Variants in INPP4B observed in about 807,000 individuals in gnomAD.
INPP4B encodes inositol polyphosphate-4-phosphatase type II B.
Under a neutral mutation model 122.5 loss-of-function variants are expected in INPP4B, and 55 were observed. The ratio of observed to expected loss-of-function variants is 0.45; its 90% confidence interval spans 0.36 to 0.56. The LOEUF (loss-of-function observed/expected upper bound fraction) is 0.56. Among genes scored for constraint, INPP4B ranks in the 20% least tolerant of loss-of-function variants. The pLI, the probability that INPP4B is intolerant of heterozygous loss-of-function variation, is 0.00. For missense variants in INPP4B, 1,000 were observed against 1,097.7 expected (o/e 0.91, Z 1.26); for synonymous variants, 403 against 388.7 (o/e 1.04, Z -0.43).
chr4:142,768,620 C>A (rs999415473), intron 1 of INPP4B, among the ~76,000 whole-genome samples: 12 of 152,188 alleles, frequency 7.9e-5, no homozygotes, highest in African/African-American at 2.9e-4. Context: ...TAAAGTAATT[C>A]ATGTCAAGTG....
chr4:142,464,164 T>C (rs191174422), intron 2 of INPP4B, among the ~76,000 whole-genome samples: 139 of 152,272 alleles, frequency 9.1e-4, no homozygotes, highest in African/African-American at 3.2e-3. Flanking sequence ...TCATGCTATT[T>C]ATAAAACAAT....
intron 10 of INPP4B, among the ~76,000 whole-genome samples, chr4:142,261,386 G>A (rs1739911008): frequency 6.6e-6 from 1 of 152,070 alleles, no homozygotes; most frequent in Admixed American, 6.5e-5. Context: ...TTTATCTTTA[G>A]AAAAAAATAT....
At chr4:142,369,340 T>G (rs1788830638) in intron 7 of INPP4B, among the ~76,000 whole-genome samples, 1 of 151,864 alleles carries the variant, frequency 6.6e-6, no homozygotes, top group Admixed American at 6.6e-5. Context: ...TTCCAGCACT[T>G]TGGAATGTTG....
intron 2 of INPP4B, among the ~76,000 whole-genome samples, chr4:142,510,469 T>C (rs1459064724): frequency 1.3e-5 from 2 of 152,346 alleles, no homozygotes; most frequent in East Asian, 1.9e-4. Context: ...TTGTGGCACA[T>C]TGATCTCATT....
At chr4:142,676,010 G>A (rs1560949678) in intron 2 of INPP4B, among the ~76,000 whole-genome samples, 1 of 152,134 alleles carries the variant, frequency 6.6e-6, no homozygotes, top group Non-Finnish European at 1.5e-5. Context: ...AATCAGGCAA[G>A]AGAAAGAAAT....
intron 2 of INPP4B, among the ~76,000 whole-genome samples, chr4:142,623,357 C>A (rs1745410617): frequency 6.6e-6 from 1 of 151,890 alleles, no homozygotes. Context: ...GAACCCTTAG[C>A]ACCATGCCCC....
chr4:142,674,945 G>C (rs991736864), intron 2 of INPP4B, among the ~76,000 whole-genome samples: 2 of 152,062 alleles, frequency 1.3e-5, no homozygotes, highest in African/African-American at 4.8e-5. Flanking sequence ...ACAATTAAAA[G>C]AACTAGAGAA....
At chr4:142,030,009 C>T in intron 25 of INPP4B, 1 of 1,375,260 alleles carries the variant, frequency 7.3e-7, no homozygotes, top group Middle Eastern at 2.6e-4. Flanking sequence ...ACAAACTAAA[C>T]ACAATTTAAC....
chr4:142,083,886 A>G (rs1320551447), intron 24 of INPP4B, among the ~76,000 whole-genome samples: 3 of 152,180 alleles, frequency 2.0e-5, no homozygotes, highest in Non-Finnish European at 4.4e-5. Context: ...TTGAATTAAT[A>G]TTCCTTAAAA....
intron 23 of INPP4B, among the ~76,000 whole-genome samples, chr4:142,096,366 C>T (rs1240158108): frequency 1.3e-5 from 2 of 152,112 alleles, no homozygotes; most frequent in African/African-American, 4.8e-5. Context: ...TGAAGACCAC[C>T]AAATAACACA....
intron 1 of INPP4B, among the ~76,000 whole-genome samples, chr4:142,828,640 C>A (rs1019432757): frequency 5.3e-5 from 8 of 152,078 alleles, no homozygotes; most frequent in Non-Finnish European, 1.0e-4. Context: ...AGTGGGCTTA[C>A]ATTGAAAAAT....
At chr4:142,299,804 AC>A (rs1167521408) in intron 9 of INPP4B, among the ~76,000 whole-genome samples, 3 of 148,978 alleles carry the variant, frequency 2.0e-5, no homozygotes, top group Non-Finnish European at 3.0e-5. Flanking sequence ...TCCCCCTACC[AC>A]CCCCCCAAAA....
rs1314191048 is a variant in INPP4B at position 142,086,135 on chromosome 4, A to C, written c.2487+9T>G. On this transcript the variant is annotated intron_variant, in intron 24 of 25. Transcript: ENST00000262992. ...GGCAGGAAATAAGATTTGACATGAG[A>C]GTGCTTACCGTTGCAGCCAGCCACA... The C allele has an allele frequency of 2.7e-6, 4 of 1,469,786 alleles. No homozygotes were observed. Among genetic ancestry groups the C allele is most frequent in the Admixed American group, 1.7e-5 (1 of 59,804 alleles). 91.0% of individuals were successfully genotyped at this position (1,469,786 alleles called of 1,614,324 possible). A position where few individuals can be genotyped will look rare whatever the true frequency, so the allele number is the denominator to read the frequency against.
intron 9 of INPP4B, among the ~76,000 whole-genome samples, chr4:142,297,944 C>T (rs1422965623): frequency 9.9e-5 from 15 of 152,112 alleles, no homozygotes; most frequent in Admixed American, 2.0e-4. Context: ...TATTAATTGC[C>T]CAGAACCACC....
At chr4:142,029,972 C>G (rs1394079859) in intron 25 of INPP4B, 1 of 1,379,168 alleles carries the variant, frequency 7.3e-7, no homozygotes, top group African/African-American at 1.5e-5. Context: ...ATGCATAGTA[C>G]TTTTTGTTTT....
intron 25 of INPP4B, 29 bp from the exon 26 acceptor site, chr4:142,028,943 A>C: frequency 6.3e-7 from 1 of 1,599,780 alleles, no homozygotes; most frequent in Non-Finnish European, 8.5e-7. Context: ...GTACAACTTC[A>C]TGAAACACAG....
chr4:142,458,753 A>G (rs556682279), intron 3 of INPP4B, among the ~76,000 whole-genome samples: 6 of 152,336 alleles, frequency 3.9e-5, no homozygotes, highest in African/African-American at 7.2e-5. Flanking sequence ...ATACACATCA[A>G]TAAAAATGAG....
chr4:142,196,575 G>T (rs1175323238), intron 14 of INPP4B, among the ~76,000 whole-genome samples: 1 of 152,134 alleles, frequency 6.6e-6, no homozygotes, highest in East Asian at 1.9e-4. Context: ...TTCTGTTCAT[G>T]ATACTTATCT....
At chr4:142,147,902 C>T (rs1811657353) in intron 17 of INPP4B, among the ~76,000 whole-genome samples, 1 of 152,112 alleles carries the variant, frequency 6.6e-6, no homozygotes, top group African/African-American at 2.4e-5. Context: ...GCCAGGAGAG[C>T]TAAGGAAGCT....
Sources: gnomAD v4.1 joint callset for allele counts (sites outside exome capture counted in the v4.1 genomes callset) on GRCh38, gnomAD v4.1.1 for gene constraint, MANE v1.5 for transcripts, NCBI Gene and HGNC (gene_info 2026-07-23, HGNC 2026-07-21) for gene names.